GPR137C: variants seen among roughly 807,000 people sequenced by gnomAD.
The protein encoded by GPR137C is G protein-coupled receptor 137C.
GPR137C carries 27 observed loss-of-function variants against 43.4 expected under a neutral mutation model. That is an observed-to-expected ratio of 0.62 (90% confidence interval 0.46 to 0.86). The LOEUF (loss-of-function observed/expected upper bound fraction) is 0.86, where lower values mean the gene tolerates loss of function less well. Ranked by LOEUF, GPR137C falls within the 40% of genes least tolerant of loss-of-function variation. The pLI, the probability that GPR137C is intolerant of heterozygous loss-of-function variation, is 0.00. For missense variants in GPR137C, 522 were observed against 534.6 expected (o/e 0.98, Z 0.23); for synonymous variants, 285 against 226.9 (o/e 1.26, Z -2.30).
chr14:52,618,535 A>C (rs1408035908), intron 3 of GPR137C, among the ~76,000 whole-genome samples: 2 of 152,012 alleles, frequency 1.3e-5, no homozygotes, highest in Non-Finnish European at 2.9e-5. Context: ...CTCTCTCATT[A>C]AGTTTTTTTG....
intron 3 of GPR137C, among the ~76,000 whole-genome samples, chr14:52,620,093 A>C (rs1483490505): frequency 1.3e-5 from 2 of 152,094 alleles, no homozygotes; most frequent in African/African-American, 2.4e-5. Flanking sequence ...ACACTGAGTG[A>C]GTTTCCTGTT....
At chr14:52,553,856 G>C (rs938697661) in intron 1 of GPR137C, among the ~76,000 whole-genome samples, 6 of 152,310 alleles carry the variant, frequency 3.9e-5, no homozygotes, top group Admixed American at 6.5e-5. Flanking sequence ...GCAACGGAAC[G>C]AACCCTTTGT....
intron 3 of GPR137C, among the ~76,000 whole-genome samples, chr14:52,626,176 T>C (rs2039225387): frequency 6.6e-6 from 1 of 152,210 alleles, no homozygotes; most frequent in Non-Finnish European, 1.5e-5. Flanking sequence ...GGGACTTGAA[T>C]ATCTGTGGAG....
rs768790997 is a variant in GPR137C at position 52,633,560 on chromosome 14, T to C, written c.898T>C (p.Tyr300His). The C allele has an allele frequency of 6.2e-7, 1 of 1,611,906 alleles. No individual in the cohort carries two copies. The highest frequency in any genetic ancestry group is 1.1e-5 in the South Asian group (1 of 91,028). The change falls in exon 5 of 7, where the codon TAT becomes CAT. Residue 300 changes from tyrosine (Y) to histidine (H), a missense_variant. By Grantham distance (83) the Tyr-to-His change is moderately conservative. Transcript: ENST00000321662. ...TGTAGAAGACATAAGTGGAGAAGAG[T>C]ATATAGTATTTGGAATGGTCCTCTT... ...AHVEDISGEE[Y>H]IVFGMVLFLW... is the part of the protein sequence containing the mutation.
chr14:52,560,492 G>A (rs937559108), intron 1 of GPR137C, among the ~76,000 whole-genome samples: 10 of 152,252 alleles, frequency 6.6e-5, no homozygotes, highest in Middle Eastern at 3.4e-3. Context: ...TTGAAGGATC[G>A]CACTACTTGA....
intron 1 of GPR137C, among the ~76,000 whole-genome samples, chr14:52,569,183 C>T (rs1323867843): frequency 6.6e-6 from 1 of 152,122 alleles, no homozygotes; most frequent in African/African-American, 2.4e-5. Flanking sequence ...TCCAGCAGAC[C>T]TGCACCGGAG....
At chr14:52,595,025 T>C (rs1052709268) in intron 1 of GPR137C, among the ~76,000 whole-genome samples, 7 of 152,172 alleles carry the variant, frequency 4.6e-5, no homozygotes, top group Non-Finnish European at 1.0e-4. Flanking sequence ...GGAGACAAAA[T>C]CTCTCAGCAT....
intron 1 of GPR137C, among the ~76,000 whole-genome samples, chr14:52,584,233 G>C (rs1002844852): frequency 1.6e-4 from 24 of 152,186 alleles, no homozygotes; most frequent in African/African-American, 4.8e-4. Context: ...ATTGTCCAAA[G>C]ACAATAAGTT....
chr14:52,626,018 TAAAAATAATACAACTTAAAAA>T (rs918162832), intron 3 of GPR137C, among the ~76,000 whole-genome samples: 4 of 152,052 alleles, frequency 2.6e-5, no homozygotes, highest in African/African-American at 4.8e-5. Flanking sequence ...AATACAACAA[TAAAAATAATACAACTTAAAAA>T]ACAATACAGA....
intron 3 of GPR137C, among the ~76,000 whole-genome samples, chr14:52,608,347 A>G (rs967016329): frequency 4.6e-5 from 7 of 152,236 alleles, no homozygotes; most frequent in African/African-American, 1.7e-4. Flanking sequence ...ATTGATAACA[A>G]CTTTGATCAC....
chr14:52,600,922 A>G lies in GPR137C; in HGVS notation c.717+581A>G, dbSNP rs528825002. ...GTAAAAGTGGTTTTTATTTGTATAA[A>G]GGTTAGAAAATGTTACTTCACCCAA... On this transcript the variant is annotated intron_variant, in intron 3 of 6. Transcript: ENST00000321662. Among the ~76,000 whole-genome samples the G allele has an allele frequency of 2.0e-5, 3 of 152,324 alleles. No homozygotes were observed. The South Asian group carries it at 6.2e-4, about 32-fold the overall frequency.
intron 1 of GPR137C, among the ~76,000 whole-genome samples, chr14:52,565,707 C>T (rs992105600): frequency 6.6e-6 from 1 of 152,154 alleles, no homozygotes; most frequent in Admixed American, 6.5e-5. Context: ...AATCTAACTT[C>T]ATGGAACATT....
chr14:52,633,098 T>G (rs183622519), intron 4 of GPR137C, among the ~76,000 whole-genome samples: 1 of 152,226 alleles, frequency 6.6e-6, no homozygotes, highest in Non-Finnish European at 1.5e-5. Context: ...GTAGATTAGG[T>G]CCAAAAGCAT....
chr14:52,625,858 G>T (rs755613826), intron 3 of GPR137C, among the ~76,000 whole-genome samples: 67 of 152,000 alleles, frequency 4.4e-4, no homozygotes, highest in African/African-American at 1.2e-3. Context: ...CCGGCCAGAA[G>T]AACACTTGTT....
intron 1 of GPR137C, among the ~76,000 whole-genome samples, chr14:52,583,978 A>G (rs1396725704): frequency 6.6e-6 from 1 of 151,978 alleles, no homozygotes; most frequent in Non-Finnish European, 1.5e-5. Context: ...ATATATATTC[A>G]GTTTATTCTT....
intron 3 of GPR137C, among the ~76,000 whole-genome samples, chr14:52,629,912 T>C (rs1236655598): frequency 1.3e-5 from 2 of 152,190 alleles, no homozygotes; most frequent in African/African-American, 4.8e-5. Flanking sequence ...TTATCAAGTG[T>C]GGAATTTCTT....
chr14:52,585,604 C>T (rs2038703242), intron 1 of GPR137C, among the ~76,000 whole-genome samples: 1 of 152,124 alleles, frequency 6.6e-6, no homozygotes, highest in Non-Finnish European at 1.5e-5. Flanking sequence ...GAGGCCAAGG[C>T]GGGTGGATCA....
chr14:52,634,611 GCATA>G lies in GPR137C; in HGVS notation c.1113-306_1113-303del, dbSNP rs367645018. Among the ~76,000 whole-genome samples the G allele has an allele frequency of 1.7e-3, 266 of 152,032 alleles. 1 individual carries two copies. The highest frequency in any genetic ancestry group is 5.6e-3 in the African/African-American group (232 of 41,458). ...GAGAAATGAATGTATATGTGTGTCT[GCATA>G]CATACATACATACATACATAGATGT... On this transcript the variant is annotated intron_variant, in intron 6 of 6. Transcript: ENST00000321662.
At chr14:52,595,051 G>A (rs893768359) in intron 1 of GPR137C, among the ~76,000 whole-genome samples, 2 of 152,158 alleles carry the variant, frequency 1.3e-5, no homozygotes. Flanking sequence ...TGTCTGTAAA[G>A]GATTTTATTT....
Sources: gnomAD v4.1 joint callset for allele counts (sites outside exome capture counted in the v4.1 genomes callset) on GRCh38, gnomAD v4.1.1 for gene constraint, MANE v1.5 for transcripts, NCBI Gene and HGNC (gene_info 2026-07-23, HGNC 2026-07-21) for gene names.